The following TASOR variants were observed in gnomAD, a reference collection of about 807,000 sequenced individuals.
The protein encoded by TASOR is transcription activation suppressor.
Under a neutral mutation model 178.6 loss-of-function variants are expected in TASOR, and 53 were observed. That is an observed-to-expected ratio of 0.30 (90% CI 0.24 to 0.37). The LOEUF (loss-of-function observed/expected upper bound fraction) is 0.37, where lower values mean the gene tolerates loss of function less well. Ranked by LOEUF, TASOR falls within the 10% of genes least tolerant of loss-of-function variation. The pLI is 1.00. For missense variants in TASOR, 1,815 were observed against 1,971.4 expected, an observed-to-expected ratio of 0.92 and a Z score of 1.50; for synonymous variants, 713 against 696.2, an observed-to-expected ratio of 1.02 and a Z score of -0.38.
chr3:56,646,564 C>G lies in TASOR; in HGVS notation c.2173G>C (p.Ala725Pro), dbSNP rs763001516. 2 of 1,607,968 alleles carry G rather than the reference C, an allele frequency of 1.2e-6. No individual in the cohort carries two copies. Among genetic ancestry groups the G allele is most frequent in the Non-Finnish European group, 1.7e-6 (2 of 1,178,624 alleles). ...EDLPENMRKL[A>P]KTSNLSENCH... ...TTTTCAGATAAATTACTGGTTTTGG[C>G]GAGCTTTCTCATATTTTCAGGTAGA... Residue 725 changes from alanine to proline, a missense_variant, in exon 14 of 24, where the codon GCC (alanine) becomes CCC (proline). By Grantham distance (27) the Ala-to-Pro change is conservative. This residue lies in a region of TASOR where 655 missense variants were observed against 671.1 expected (regional missense o/e 0.98). Transcript: ENST00000683822.
intron 21 of TASOR, 112 bp downstream of exon 21, chr3:56,626,925 T>C: frequency 1.6e-6 from 1 of 637,494 alleles, no homozygotes; most frequent in Non-Finnish European, 2.7e-6. Context: ...TGGCTGGCTA[T>C]GGACATCTGT....
intron 11 of TASOR, 89 bp from the exon 12 acceptor site, chr3:56,649,146 GAAAA>G: frequency 1.1e-6 from 1 of 918,236 alleles, no homozygotes; most frequent in Non-Finnish European, 1.6e-6. Flanking sequence ...TAATTGTAAA[GAAAA>G]AAAGTTCTTA....
Position 56,621,435 on chromosome 3 carries a change from C to A in TASOR, c.*1602G>T. 3.6e-6 allele frequency: 3 copies of A among 830,054 alleles called. No individual in the cohort carries two copies. The highest frequency in any genetic ancestry group is 1.7e-5 in the African/African-American group (1 of 58,016). 51.4% of individuals were successfully genotyped at this position (830,054 alleles called of 1,614,324 possible). A position where few individuals can be genotyped will look rare whatever the true frequency, so the allele number is the denominator to read the frequency against. On this transcript the variant is annotated 3_prime_UTR_variant, in exon 24 of 24. Coordinates refer to ENST00000683822, the MANE Select transcript of TASOR (RefSeq NM_001365635.2). ...TTGAATGACAAAATTTTATCCTAAG[C>A]GATATGTTTTCCAAGTGAATATAAT...
intron 11 of TASOR, among the ~76,000 whole-genome samples, chr3:56,653,155 C>T (rs545011175): frequency 9.6e-4 from 143 of 149,238 alleles, no homozygotes; most frequent in African/African-American, 3.3e-3. Context: ...CCCAGCTACT[C>T]GGGAGGCTGA....
At position 56,634,292 on chromosome 3, in the gene TASOR, T is replaced by C. The variant is rs183471833; in HGVS notation, c.2825-326A>G. Among the ~76,000 whole-genome samples the C allele has an allele frequency of 3.3e-5, 5 of 152,344 alleles. No individual in the cohort carries two copies. In the East Asian group the frequency reaches 5.8e-4, roughly 18 times the overall value. ...TGTAGATCTAAGTTTAATACACATTTTAAATCAAGACAGTCAATTACATCA... is the reference window on the plus strand; with the variant it reads ...TGTAGATCTAAGTTTAATACACATTCTAAATCAAGACAGTCAATTACATCA... On this transcript the variant is annotated intron_variant, in intron 17 of 23. Coordinates refer to ENST00000683822, the MANE Select transcript of TASOR (RefSeq NM_001365635.2).
At chr3:56,627,002 C>T (rs776686764) in intron 21 of TASOR, 35 bp downstream of exon 21, 14 of 1,269,772 alleles carry the variant, frequency 1.1e-5, no homozygotes, top group Non-Finnish European at 1.5e-5. Flanking sequence ...ATGTTAAAAT[C>T]AACAACCATT....
chr3:56,672,973 A>C (rs2030882794), intron 2 of TASOR, among the ~76,000 whole-genome samples: 1 of 152,160 alleles, frequency 6.6e-6, no homozygotes, highest in Non-Finnish European at 1.5e-5. Flanking sequence ...GGCATGTGCC[A>C]CCACGCCTAG....
chr3:56,658,918 G>GAGAC (rs2107606182), intron 11 of TASOR, among the ~76,000 whole-genome samples: 2 of 134,324 alleles, frequency 1.5e-5, no homozygotes, highest in South Asian at 4.8e-4. Flanking sequence ...AAAAAAAAAA[G>GAGAC]AGAGAGAGAC....
chr3:56,655,661 C>A (rs1276925511), intron 11 of TASOR, among the ~76,000 whole-genome samples: 1 of 152,022 alleles, frequency 6.6e-6, no homozygotes, highest in Admixed American at 6.6e-5. Context: ...GTGGTATACA[C>A]CTGCAGCCCA....
At chr3:56,676,849 A>G (rs2031344746) in intron 1 of TASOR, among the ~76,000 whole-genome samples, 1 of 152,226 alleles carries the variant, frequency 6.6e-6, no homozygotes. Context: ...AGTCATGTCC[A>G]ATGTACTAAA....
chr3:56,636,171 G>A (rs894920819), intron 17 of TASOR, among the ~76,000 whole-genome samples: 4 of 151,636 alleles, frequency 2.6e-5, no homozygotes, highest in African/African-American at 7.3e-5. Flanking sequence ...TTAGCCAGGC[G>A]TGGTGGCGAG....
In TASOR at chr3:56,662,431, A is replaced by C. The variant is rs1307659479; in HGVS notation, c.1114T>G (p.Tyr372Asp). Residue 372 changes from tyrosine (Y) to aspartate (D), a missense_variant, in exon 9 of 24, where the codon TAT becomes GAT. This residue lies in a region of TASOR where 504 missense variants were observed against 645.3 expected (regional missense o/e 0.78). Transcript: ENST00000683822. Reference sequence around the variant, plus strand: ...CGAGTGGCTGACCTCAGAGAAATATAACACAAAAGTTTTCCTTTATTTAAA... The same window carrying C: ...CGAGTGGCTGACCTCAGAGAAATATCACACAAAAGTTTTCCTTTATTTAAA... ...QLLNKGKLLC[Y>D]ISLRSATRAF... 2 of 1,549,124 alleles carry C rather than the reference A, an allele frequency of 1.3e-6. No individual in the cohort carries two copies. The highest frequency in any genetic ancestry group is 2.7e-5 in the African/African-American group (2 of 72,922).
At chr3:56,665,095 G>A (rs1176067623) in intron 7 of TASOR, among the ~76,000 whole-genome samples, 1 of 152,076 alleles carries the variant, frequency 6.6e-6, no homozygotes, top group African/African-American at 2.4e-5. Flanking sequence ...GGGGTTTGAG[G>A]CTGCAGCAAG....
rs1559799679 is a variant in TASOR at position 56,621,174 on chromosome 3, C to CA, written c.*1862dup. On this transcript the variant is annotated 3_prime_UTR_variant, in exon 24 of 24. Transcript: ENST00000683822. ...ACTCCATCTCCAAAAAAAAACAAAACAACAACAACAAAAAAAAAACACTGT... is the reference window on the plus strand; with the variant it reads ...ACTCCATCTCCAAAAAAAAACAAAACAAACAACAACAAAAAAAAAACACTGT... 5.5e-3 allele frequency: 853 copies of CA among 153,700 alleles called. 13 individuals are homozygous for CA. Among genetic ancestry groups the CA allele is most frequent in the African/African-American group, 0.02 (819 of 40,610 alleles). 9.5% of individuals were successfully genotyped at this position (153,700 alleles called of 1,614,324 possible).
At chr3:56,639,530 C>T (rs2077080937) in intron 16 of TASOR, among the ~76,000 whole-genome samples, 1 of 152,106 alleles carries the variant, frequency 6.6e-6, no homozygotes, top group Non-Finnish European at 1.5e-5. Context: ...TAAGATAATC[C>T]AGTATTAAGA....
rs2031937543 is a variant in TASOR, at chr3:56,682,929, CTCG to C, written c.75_77del (p.Asp25del). On this transcript the variant is annotated inframe_deletion, in exon 1 of 24. Transcript: ENST00000683822. ...CAAGCTCCGGAAGCGCCTGCTTCAT[CTCG>C]TCGTCTCCGCCGCCGCCACTTTCCC... is the stretch of plus-strand genomic sequence containing the variant. The C allele has an allele frequency of 6.5e-7, 1 of 1,539,274 alleles. No homozygotes were observed. The highest frequency in any genetic ancestry group is 8.8e-7 in the Non-Finnish European group (1 of 1,137,870).
At chr3:56,625,752 T>C (rs2107527045) in intron 21 of TASOR, among the ~76,000 whole-genome samples, 1 of 151,922 alleles carries the variant, frequency 6.6e-6, no homozygotes, top group Non-Finnish European at 1.5e-5. Context: ...GCTTCCCGAG[T>C]AGCTGGGACT....
chr3:56,657,458 G>A (rs2077497446), intron 11 of TASOR, among the ~76,000 whole-genome samples: 1 of 152,004 alleles, frequency 6.6e-6, no homozygotes, highest in African/African-American at 2.4e-5. Context: ...AAATGTATAT[G>A]ATATAAAGAT....
intron 11 of TASOR, among the ~76,000 whole-genome samples, chr3:56,654,632 A>T (rs1487733626): frequency 6.6e-6 from 1 of 152,154 alleles, no homozygotes; most frequent in Non-Finnish European, 1.5e-5. Context: ...TGAGTAAAGC[A>T]AGCCAACCTC....
Sources: allele counts gnomAD v4.1 joint callset (sites outside exome capture counted in the v4.1 genomes callset), GRCh38; gene constraint gnomAD v4.1.1; regional missense constraint gnomAD v4.1.1; transcripts MANE v1.5; gene names NCBI Gene and HGNC (gene_info 2026-07-23, HGNC 2026-07-21).